RHOBTB2: variants seen among roughly 807,000 people sequenced by gnomAD.
RHOBTB2 encodes Rho related BTB domain containing 2.
A neutral mutation model predicts 66.5 loss-of-function variants in RHOBTB2; 39 were observed. The ratio of observed to expected loss-of-function variants is 0.59; its 90% confidence interval spans 0.45 to 0.77. RHOBTB2 has a LOEUF of 0.77. Among genes scored for constraint, RHOBTB2 ranks in the 30% least tolerant of loss-of-function variants. RHOBTB2 has a pLI of 0.00. For synonymous variants in RHOBTB2, 390 were observed against 395.0 expected (o/e 0.99, Z 0.15); for missense variants, 755 against 999.1 (o/e 0.76, Z 3.29).
intron 2 of RHOBTB2, chr8:22,994,464 G>C: frequency 1.4e-6 from 1 of 718,474 alleles, no homozygotes; most frequent in African/African-American, 1.8e-5. Flanking sequence ...CCTCTATCTG[G>C]GCTGAGCGAC....
Position 23,007,232 on chromosome 8 carries a change from T to A in RHOBTB2, c.987T>A (p.His329Gln). The change falls in exon 5 of 10, where the codon CAT becomes CAA. Residue 329 changes from histidine to glutamine, a missense_variant. This residue lies in a region of RHOBTB2 where 247 missense variants were observed against 238.9 expected (regional missense o/e 1.03). Coordinates refer to ENST00000251822, the MANE Select transcript of RHOBTB2 (RefSeq NM_015178.3). ...GCCACTCTGATCAACACCACCACCA[T>A]CACCACCACCACCATGGGCGAGACT... The part of the protein sequence containing the change: ...HQGHSDQHHH[H>Q]HHHHHGRDFL... The A allele has an allele frequency of 6.2e-7, 1 of 1,609,622 alleles. No homozygotes were observed. Among genetic ancestry groups the A allele is most frequent in the Non-Finnish European group, 8.5e-7 (1 of 1,179,550 alleles).
intron 6 of RHOBTB2, 86 bp from the exon 7 acceptor site, chr8:23,010,452 G>T (rs1462551320): frequency 1.3e-6 from 2 of 1,486,122 alleles, no homozygotes; most frequent in Non-Finnish European, 1.8e-6. Flanking sequence ...GGGTGTGAGG[G>T]CCAGAGCTCT....
At chr8:22,960,927 AG>A in the RHOBTB2 span, among the ~76,000 whole-genome samples, 1 of 152,190 alleles carries the variant, frequency 6.6e-6, no homozygotes, top group Non-Finnish European at 1.5e-5. Context: ...AAACCTGAAA[AG>A]TTATTTCTAG....
In RHOBTB2 at chr8:23,009,189, G is replaced by GAGA. The variant is rs1563293375; in HGVS notation, c.1620+1079_1620+1080insGAA. On this transcript the variant is annotated intron_variant, in intron 6 of 9. Coordinates refer to ENST00000251822, the MANE Select transcript of RHOBTB2 (RefSeq NM_015178.3). ...GAAAAAAAGAGAGAGAGAGAGAAAAGAAGGAAGGGAGGGAGGGAGGGAGGA... is the reference window on the plus strand; with the variant it reads ...GAAAAAAAGAGAGAGAGAGAGAAAAGAGAAAGGAAGGGAGGGAGGGAGGGAGGA... 1.6e-4 allele frequency among the ~76,000 whole-genome samples: 8 copies of GAGA among 51,216 alleles called. No homozygotes were observed. In the East Asian group the frequency reaches 3.4e-3, roughly 22 times the overall value. 33.6% of individuals were successfully genotyped at this position (51,216 alleles called of 152,430 possible).
the RHOBTB2 span, among the ~76,000 whole-genome samples, chr8:22,969,393 T>C: frequency 6.6e-6 from 1 of 152,130 alleles, no homozygotes. Flanking sequence ...TGACAACAGA[T>C]GACAAAATAC....
chr8:22,952,863 C>T, the RHOBTB2 span, among the ~76,000 whole-genome samples: 1 of 152,098 alleles, frequency 6.6e-6, no homozygotes, highest in Non-Finnish European at 1.5e-5. Flanking sequence ...CGAGATTGCA[C>T]CATTGCACTC....
At position 23,006,473 on chromosome 8, in the gene RHOBTB2, C is replaced by A; in HGVS notation, c.483-255C>A. 1.8e-6 allele frequency: 1 copy of A among 562,958 alleles called. No individual in the cohort carries two copies. Among genetic ancestry groups the A allele is most frequent in the South Asian group, 2.5e-5 (1 of 40,308 alleles). 34.9% of individuals were successfully genotyped at this position (562,958 alleles called of 1,614,324 possible). A position where few individuals can be genotyped will look rare whatever the true frequency, so the allele number is the denominator to read the frequency against. On this transcript the variant is annotated intron_variant, in intron 4 of 9. Coordinates refer to ENST00000251822, the MANE Select transcript of RHOBTB2 (RefSeq NM_015178.3). The surrounding 1 kb of genome is among the most constrained non-coding windows in gnomAD (Gnocchi z 6.1). ...CATGTGAAGCATTGCCTGCTAATTG[C>A]CAGAGAGGCAGTGCTGTCACGGCTT...
rs1811429601 is a variant in RHOBTB2 at position 23,019,635 on chromosome 8, G to T, written c.*2166G>T. 6.5e-6 allele frequency: 1 copy of T among 152,982 alleles called. No individual in the cohort carries two copies. Among genetic ancestry groups the T allele is most frequent in the South Asian group, 2.1e-4 (1 of 4,846 alleles). 9.5% of individuals were successfully genotyped at this position (152,982 alleles called of 1,614,324 possible). ...CGGGAAATAGGTCTCCTAGGTGCCT[G>T]AAGCGCTGAGCAACCTGGGTACCCT... is the stretch of plus-strand genomic sequence containing the variant. On this transcript the variant is annotated 3_prime_UTR_variant, in exon 10 of 10. Coordinates refer to ENST00000251822, the MANE Select transcript of RHOBTB2 (RefSeq NM_015178.3).
intron 6 of RHOBTB2, among the ~76,000 whole-genome samples, chr8:23,009,193 G>C (rs1360481351): frequency 1.1e-5 from 1 of 88,164 alleles, no homozygotes; most frequent in Non-Finnish European, 2.3e-5. Flanking sequence ...AGAAAAGAAG[G>C]AAGGGAGGGA....
chr8:23,006,922 G>A lies in RHOBTB2; in HGVS notation c.677G>A (p.Arg226Gln), dbSNP rs750566179. The A allele has an allele frequency of 1.9e-6, 3 of 1,613,492 alleles. No homozygotes were observed. The highest frequency in any genetic ancestry group is 4.5e-5 in the East Asian group (2 of 44,882). Reference sequence around the variant, plus strand: ...AAGTCCCACCTCCGCAATGTGCAGCGGCCTCTGCTGCAGGCACCCTTCCTA... The same window carrying A: ...AAGTCCCACCTCCGCAATGTGCAGCAGCCTCTGCTGCAGGCACCCTTCCTA... ...FWKSHLRNVQ[R>Q]PLLQAPFLPP... The change falls in exon 5 of 10, where the codon CGG becomes CAG. Residue 226 changes from arginine (R) to glutamine (Q), a missense_variant. Transcript: ENST00000251822. This position sits in a 1 kb window ranked among gnomAD's most constrained non-coding sequence, Gnocchi z 6.1.
upstream of RHOBTB2, among the ~76,000 whole-genome samples, chr8:22,997,530 C>T (rs1810609336): frequency 6.6e-6 from 1 of 152,244 alleles, no homozygotes; most frequent in Non-Finnish European, 1.5e-5. Flanking sequence ...ATCAACACTA[C>T]ACCTTGGAAT....
At chr8:22,966,667 T>C in the RHOBTB2 span, among the ~76,000 whole-genome samples, 2 of 152,000 alleles carry the variant, frequency 1.3e-5, no homozygotes, top group South Asian at 2.1e-4. Context: ...ACAACAATGC[T>C]CAATATTATT....
chr8:23,011,255 AAAAC>A (rs1219770469), intron 7 of RHOBTB2, among the ~76,000 whole-genome samples: 1 of 152,334 alleles, frequency 6.6e-6, no homozygotes, highest in African/African-American at 2.4e-5. Context: ...CTGTGTCTCA[AAAAC>A]AAACAAACAA....
chr8:22,982,762 G>T (rs1810232225), upstream of RHOBTB2, among the ~76,000 whole-genome samples: 1 of 152,196 alleles, frequency 6.6e-6, no homozygotes, highest in Admixed American at 6.5e-5. Context: ...CTATAATAAA[G>T]TACCTTAAAC....
At chr8:22,953,579 C>T in the RHOBTB2 span, among the ~76,000 whole-genome samples, 1 of 152,148 alleles carries the variant, frequency 6.6e-6, no homozygotes, top group South Asian at 2.1e-4. Flanking sequence ...CAGTGTAGGG[C>T]CCATGTGGTT....
chr8:22,970,501 T>C, the RHOBTB2 span, among the ~76,000 whole-genome samples: 4 of 151,896 alleles, frequency 2.6e-5, no homozygotes, highest in Admixed American at 6.6e-5. Context: ...CTTGGGAGAC[T>C]AAGGCAGGAG....
chr8:22,984,588 T>C (rs1407500106), upstream of RHOBTB2: 3 of 152,234 alleles, frequency 2.0e-5, no homozygotes, highest in Non-Finnish European at 4.4e-5. Flanking sequence ...TCCAGACTCT[T>C]AAACCCACCT....
Position 23,007,524 on chromosome 8 carries a change from C to A in RHOBTB2, c.1279C>A (p.Arg427=), listed in dbSNP as rs559501371. The change falls in exon 5 of 10, where the codon CGG becomes AGG. Residue 427 remains arginine (R), a synonymous_variant. Transcript: ENST00000251822. The part of the protein sequence containing the change: ...MDSSIQPGPF[R]AVLKYLYTGE... ...CAGTTCCATCCAGCCGGGGCCCTTCCGGGCTGTCCTCAAGTACCTGTACAC... is the reference window on the plus strand; with the variant it reads ...CAGTTCCATCCAGCCGGGGCCCTTCAGGGCTGTCCTCAAGTACCTGTACAC... 2 of 1,614,052 alleles carry A rather than the reference C, an allele frequency of 1.2e-6. No individual in the cohort carries two copies. Among genetic ancestry groups the A allele is most frequent in the African/African-American group, 2.7e-5 (2 of 74,928 alleles).
Position 23,000,024 on chromosome 8 carries a change from C to T in RHOBTB2, c.-92C>T, listed in dbSNP as rs1476500519. On this transcript the variant is annotated 5_prime_UTR_variant, in exon 1 of 10. Coordinates refer to ENST00000251822, the MANE Select transcript of RHOBTB2 (RefSeq NM_015178.3). Reference sequence around the variant, plus strand: ...CCAACTTGCAGGCGCGGAGGGACCCCTGACATTTCACTAAAATGAGCGTGC... The same window carrying T: ...CCAACTTGCAGGCGCGGAGGGACCCTTGACATTTCACTAAAATGAGCGTGC... 1.0e-6 allele frequency: 1 copy of T among 985,568 alleles called. No homozygotes were observed. 61.1% of individuals were successfully genotyped at this position (985,568 alleles called of 1,614,324 possible).
Sources: allele counts gnomAD v4.1 joint callset (sites outside exome capture counted in the v4.1 genomes callset), GRCh38; gene constraint gnomAD v4.1.1; regional missense constraint gnomAD v4.1.1; non-coding constraint Gnocchi (gnomAD v3.1); transcripts MANE v1.5; gene names NCBI Gene and HGNC (gene_info 2026-07-23, HGNC 2026-07-21).